The following HDAC9 variants were observed in gnomAD, a reference collection of about 807,000 sequenced individuals.
HDAC9 encodes the protein MEF-2 interacting transcription repressor (MITR) protein.
HDAC9 carries 41 observed loss-of-function variants against 139.4 expected under a neutral mutation model. The ratio of observed to expected loss-of-function variants is 0.29; its 90% CI spans 0.23 to 0.38. The LOEUF (loss-of-function observed/expected upper bound fraction) is 0.38. HDAC9 is among the 10% of genes least tolerant of loss of function. HDAC9 has a pLI of 1.00. For missense variants in HDAC9, 1,147 were observed against 1,297.0 expected (o/e 0.88, Z 1.78); for synonymous variants, 517 against 476.2 (o/e 1.09, Z -1.12).
chr7:18,182,267 G>A (rs1296859735), intron 2 of HDAC9, among the ~76,000 whole-genome samples: 2 of 152,306 alleles, frequency 1.3e-5, no homozygotes, highest in Non-Finnish European at 2.9e-5. Context: ...ACAGGTAATA[G>A]GTTGATATAT....
intron 1 of HDAC9, among the ~76,000 whole-genome samples, chr7:18,089,433 G>A (rs867442849): frequency 1.4e-4 from 22 of 152,062 alleles, no homozygotes; most frequent in South Asian, 8.3e-4. Context: ...AAGCATAACC[G>A]TTATTATGGT....
chr7:18,401,295 T>C (rs755649904), intron 1 of HDAC9, among the ~76,000 whole-genome samples: 45 of 152,306 alleles, frequency 3.0e-4, no homozygotes, highest in Non-Finnish European at 5.3e-4. Context: ...TCCTCTCTAC[T>C]CTGTATACAT....
At chr7:18,128,062 T>C (rs182082540) in intron 1 of HDAC9, among the ~76,000 whole-genome samples, 2 of 152,200 alleles carry the variant, frequency 1.3e-5, no homozygotes, top group East Asian at 3.9e-4. Context: ...AAGTTACGGT[T>C]CTCAGTATCC....
chr7:18,834,584 C>G (rs1796095332), intron 19 of HDAC9, among the ~76,000 whole-genome samples: 1 of 145,584 alleles, frequency 6.9e-6, no homozygotes, highest in East Asian at 2.0e-4. Flanking sequence ...GAGAAAAGAG[C>G]AGGAAGAAGG....
intron 2 of HDAC9, among the ~76,000 whole-genome samples, chr7:18,279,806 A>G (rs1387625618): frequency 6.6e-6 from 1 of 152,058 alleles, no homozygotes; most frequent in African/African-American, 2.4e-5. Flanking sequence ...CCTAGAAACT[A>G]GTTTCAAAGA....
At chr7:18,863,359 A>G (rs1798253230) in intron 21 of HDAC9, among the ~76,000 whole-genome samples, 2 of 152,236 alleles carry the variant, frequency 1.3e-5, no homozygotes, top group African/African-American at 4.8e-5. Context: ...GGGGCCCAGG[A>G]CGGCTTTGAA....
chr7:18,167,208 T>TA (rs200039756), intron 2 of HDAC9, among the ~76,000 whole-genome samples: 1 of 151,062 alleles, frequency 6.6e-6, no homozygotes, highest in Non-Finnish European at 1.5e-5. Flanking sequence ...TTTTTTTTTT[T>TA]ACTACTTTAA....
At chr7:18,804,592 C>T (rs192526773) in intron 17 of HDAC9, among the ~76,000 whole-genome samples, 5 of 152,258 alleles carry the variant, frequency 3.3e-5, no homozygotes, top group African/African-American at 1.2e-4. Context: ...AATGGTTCAA[C>T]AAGTAAGGTA....
chr7:18,278,432 A>G (rs1344146705), intron 2 of HDAC9, among the ~76,000 whole-genome samples: 2 of 152,232 alleles, frequency 1.3e-5, no homozygotes, highest in African/African-American at 2.4e-5. Context: ...TTTAAATAGT[A>G]TAAATAGCTT....
intron 12 of HDAC9, among the ~76,000 whole-genome samples, chr7:18,671,503 A>G (rs1795674991): frequency 6.6e-6 from 1 of 152,022 alleles, no homozygotes; most frequent in Non-Finnish European, 1.5e-5. Flanking sequence ...TCTCTGATTC[A>G]TAGTTTTCAA....
rs1029721920 is a variant in HDAC9 at position 18,975,833 on chromosome 7, T to C, written c.3050T>C (p.Val1017Ala). The part of the protein sequence containing the change: ...QSKYWKSVRM[V>A]AVPRGCALAG... ...AAGTATTGGAAGTCAGTAAGGATGG[T>C]GGCTGTGCCAAGGGGCTGTGCTCTG... is the stretch of plus-strand genomic sequence containing the variant. Residue 1017 changes from valine to alanine, a missense_variant, in exon 25 of 26, where the codon GTG becomes GCG. By Grantham distance (64) the Val-to-Ala change is moderately conservative. Around this residue, in one of 7 missense-constraint regions of HDAC9, gnomAD observed 407 missense variants for 521.5 expected, o/e 0.78. Transcript: ENST00000686413. The C allele has an allele frequency of 1.9e-6, 3 of 1,613,788 alleles. No homozygotes were observed. The highest frequency in any genetic ancestry group is 2.5e-6 in the Non-Finnish European group (3 of 1,179,842).
rs116310713 is a variant in HDAC9, at chr7:18,925,270, T to C, written c.2804-10539T>C. Among the ~76,000 whole-genome samples the C allele has an allele frequency of 3.7e-3, 564 of 152,268 alleles. 3 individuals are homozygous for C. Among genetic ancestry groups the C allele is most frequent in the African/African-American group, 0.012 (519 of 41,560 alleles). On this transcript the variant is annotated intron_variant, in intron 22 of 25. Coordinates refer to ENST00000686413, the MANE Select transcript of HDAC9 (RefSeq NM_178425.4). ...TAAAGTCAACTGACCCAACCTCTTA[T>C]CCCAACTTTGTCATTGATTGACCTT...
At chr7:18,637,322 T>G (rs1402361454) in intron 8 of HDAC9, among the ~76,000 whole-genome samples, 1 of 152,062 alleles carries the variant, frequency 6.6e-6, no homozygotes, top group Non-Finnish European at 1.5e-5. Context: ...TAGTACAACA[T>G]ATTGGAACAA....
At chr7:18,922,409 A>G (rs1433000310) in intron 22 of HDAC9, among the ~76,000 whole-genome samples, 1 of 152,114 alleles carries the variant, frequency 6.6e-6, no homozygotes, top group Non-Finnish European at 1.5e-5. Flanking sequence ...GATCAACTCA[A>G]ATAACACAGC....
intron 6 of HDAC9, among the ~76,000 whole-genome samples, chr7:18,608,083 A>T (rs1836020630): frequency 6.6e-6 from 1 of 152,196 alleles, no homozygotes; most frequent in Non-Finnish European, 1.5e-5. Flanking sequence ...TATAGTATTC[A>T]CAACTATAGA....
At chr7:18,488,213 T>G (rs1296550310) in intron 1 of HDAC9, among the ~76,000 whole-genome samples, 5 of 152,028 alleles carry the variant, frequency 3.3e-5, no homozygotes, top group African/African-American at 1.2e-4. Context: ...TGTACATAGC[T>G]TAGTCAACAT....
At chr7:18,278,794 A>T (rs889932817) in intron 2 of HDAC9, among the ~76,000 whole-genome samples, 1 of 152,202 alleles carries the variant, frequency 6.6e-6, no homozygotes, top group African/African-American at 2.4e-5. Context: ...TATGCACCCC[A>T]CATTTGATTT....
intron 2 of HDAC9, among the ~76,000 whole-genome samples, chr7:18,212,042 G>A (rs886471498): frequency 9.2e-5 from 14 of 152,222 alleles, no homozygotes; most frequent in African/African-American, 3.4e-4. Context: ...GTGTTTCTTT[G>A]GGGAGAGGCT....
intron 1 of HDAC9, among the ~76,000 whole-genome samples, chr7:18,336,387 T>C (rs1781584917): frequency 6.6e-6 from 1 of 151,616 alleles, no homozygotes; most frequent in Non-Finnish European, 1.5e-5. Flanking sequence ...GCAGTCCACA[T>C]ACATAAGCAG....
Sources: gnomAD v4.1 joint callset for allele counts (sites outside exome capture counted in the v4.1 genomes callset) on GRCh38, gnomAD v4.1.1 for gene constraint, gnomAD v4.1.1 regional missense constraint, MANE v1.5 for transcripts, NCBI Gene and HGNC (gene_info 2026-07-23, HGNC 2026-07-21) for gene names.